NBAS: variants seen among roughly 807,000 people sequenced by gnomAD.
NBAS encodes the protein NBAS subunit of NRZ tethering complex.
In NBAS, 219 loss-of-function variants were observed where a neutral mutation model predicts 302.5. The observed-to-expected ratio is 0.72, with a 90% CI of 0.65 to 0.81. The LOEUF (loss-of-function observed/expected upper bound fraction) is 0.81. Among genes scored for constraint, NBAS ranks in the 30% least tolerant of loss-of-function variants. NBAS has a pLI of 0.00. For synonymous variants in NBAS, 1,118 were observed against 1,021.6 expected (o/e 1.09, Z -1.80); for missense variants, 2,932 against 2,841.6 (o/e 1.03, Z -0.72).
the NBAS span, among the ~76,000 whole-genome samples, chr2:15,049,707 G>A: frequency 6.6e-6 from 1 of 152,202 alleles, no homozygotes; most frequent in Non-Finnish European, 1.5e-5. Flanking sequence ...TCCTTCGGGG[G>A]CTGCTGTCAG....
chr2:15,353,260 T>C (rs1673454423), intron 34 of NBAS, among the ~76,000 whole-genome samples: 3 of 152,216 alleles, frequency 2.0e-5, no homozygotes, highest in Admixed American at 2.0e-4. Flanking sequence ...ATTTAGCATA[T>C]GTTTAATTCA....
At chr2:14,892,430 A>G in the NBAS span, among the ~76,000 whole-genome samples, 1 of 152,230 alleles carries the variant, frequency 6.6e-6, no homozygotes, top group African/African-American at 2.4e-5. Flanking sequence ...AAGACCACGT[A>G]GGACACCTGA....
chr2:15,313,617 G>A (rs1456709662), intron 38 of NBAS, among the ~76,000 whole-genome samples: 1 of 152,218 alleles, frequency 6.6e-6, no homozygotes, highest in African/African-American at 2.4e-5. Flanking sequence ...TGGAGCTACT[G>A]GGTCAAACAA....
At chr2:15,186,983 A>G in intron 49 of NBAS, 103 bp from the exon 50 acceptor site, 1 of 1,506,036 alleles carries the variant, frequency 6.6e-7, no homozygotes, top group South Asian at 1.1e-5. Flanking sequence ...AATTACAATC[A>G]GAATCTAGGT....
At chr2:14,871,730 T>C in the NBAS span, among the ~76,000 whole-genome samples, 4 of 152,094 alleles carry the variant, frequency 2.6e-5, no homozygotes, top group African/African-American at 9.7e-5. Context: ...CTGTGTACAC[T>C]TTAAATACTA....
chr2:15,309,828 T>C (rs1188763372), intron 38 of NBAS, among the ~76,000 whole-genome samples: 1 of 152,224 alleles, frequency 6.6e-6, no homozygotes, highest in Admixed American at 6.5e-5. Flanking sequence ...CATAAATTTT[T>C]ACACAAACCA....
the NBAS span, among the ~76,000 whole-genome samples, chr2:15,049,786 A>G: frequency 0.066 from 9,982 of 152,270 alleles, 446 homozygotes; most frequent in Non-Finnish European, 0.1. Context: ...CCCTGCCCTC[A>G]GCCACTGAGC....
intron 40 of NBAS, among the ~76,000 whole-genome samples, chr2:15,297,876 CTGTG>C (rs942796731): frequency 6.6e-6 from 1 of 151,490 alleles, no homozygotes; most frequent in South Asian, 2.1e-4. Flanking sequence ...GTGTGTGTGT[CTGTG>C]TGTGTGTGTA....
At chr2:14,961,663 A>C in the NBAS span, among the ~76,000 whole-genome samples, 1 of 152,374 alleles carries the variant, frequency 6.6e-6, no homozygotes, top group South Asian at 2.1e-4. Context: ...AAATAAAAAT[A>C]ATAATTTCAT....
At chr2:14,944,066 G>T in the NBAS span, among the ~76,000 whole-genome samples, 1 of 152,212 alleles carries the variant, frequency 6.6e-6, no homozygotes, top group Admixed American at 6.5e-5. Flanking sequence ...TTGGGAGGCC[G>T]AGGCGGGCGG....
chr2:15,534,519 A>G lies in NBAS; in HGVS notation c.746+24T>C, dbSNP rs770790314. The G allele has an allele frequency of 1.6e-5, 24 of 1,499,622 alleles. 1 individual carries two copies. Among genetic ancestry groups the G allele is most frequent in the Middle Eastern group, 3.4e-4 (2 of 5,856 alleles). The allele number at this position is 1,499,622 out of a possible 1,614,324, so 92.9% of individuals were successfully genotyped here. A position where few individuals can be genotyped will look rare whatever the true frequency, so the allele number is the denominator to read the frequency against. ...TGCCAACATTTCTATGTCCCACTAA[A>G]TATGAGAACAAATGGTTACTTACCT... On this transcript the variant is annotated intron_variant, in intron 9 of 51. Transcript: ENST00000281513.
chr2:15,535,551 T>C (rs12105240), intron 8 of NBAS, among the ~76,000 whole-genome samples: 254 of 147,814 alleles, frequency 1.7e-3, no homozygotes, highest in Middle Eastern at 0.01. Flanking sequence ...AATAAATAAA[T>C]AAATAAATAA....
the NBAS span, among the ~76,000 whole-genome samples, chr2:15,053,875 C>A: frequency 9.2e-5 from 14 of 151,472 alleles, no homozygotes; most frequent in South Asian, 2.7e-3. Context: ...AGAGTAGGCA[C>A]CTCTTCTTTC....
the NBAS span, among the ~76,000 whole-genome samples, chr2:15,043,655 C>T: frequency 6.6e-6 from 1 of 152,190 alleles, no homozygotes; most frequent in Admixed American, 6.5e-5. Context: ...AAGTCTAATC[C>T]TGCCCTCTCC....
the NBAS span, among the ~76,000 whole-genome samples, chr2:15,031,521 G>C: frequency 1.3e-5 from 2 of 152,218 alleles, no homozygotes; most frequent in East Asian, 3.9e-4. Flanking sequence ...ACCCACCTCT[G>C]GTCTATAGCT....
the NBAS span, among the ~76,000 whole-genome samples, chr2:15,055,839 T>A: frequency 4.6e-5 from 7 of 152,192 alleles, no homozygotes; most frequent in Non-Finnish European, 8.8e-5. Flanking sequence ...GAACTACATA[T>A]ATTGTGAAAA....
intron 25 of NBAS, among the ~76,000 whole-genome samples, chr2:15,407,596 G>A (rs1263799867): frequency 1.3e-5 from 2 of 152,116 alleles, no homozygotes; most frequent in Non-Finnish European, 2.9e-5. Context: ...TCACAGTACT[G>A]CAAATTAAAC....
chr2:15,005,421 C>CT, the NBAS span, among the ~76,000 whole-genome samples: 1 of 152,224 alleles, frequency 6.6e-6, no homozygotes, highest in African/African-American at 2.4e-5. Context: ...TTCATTTACA[C>CT]AATGCACTAG....
chr2:14,969,459 G>A, the NBAS span, among the ~76,000 whole-genome samples: 1 of 151,834 alleles, frequency 6.6e-6, no homozygotes, highest in African/African-American at 2.4e-5. Context: ...TCACTTCAAC[G>A]TCTGCCTCCC....
Sources: gnomAD v4.1 joint callset for allele counts (sites outside exome capture counted in the v4.1 genomes callset) on GRCh38, gnomAD v4.1.1 for gene constraint, MANE v1.5 for transcripts, NCBI Gene and HGNC (gene_info 2026-07-23, HGNC 2026-07-21) for gene names.